CUL9: variants seen among roughly 807,000 people sequenced by gnomAD.
CUL9 encodes the protein cullin 9, also known as cullin-9.
CUL9 carries 79 observed loss-of-function variants against 272.6 expected under a neutral mutation model. That is an observed-to-expected ratio of 0.29 (90% confidence interval 0.24 to 0.35). The LOEUF (loss-of-function observed/expected upper bound fraction) is 0.35. Ranked by LOEUF, CUL9 falls within the 10% of genes least tolerant of loss-of-function variation. The probability of loss-of-function intolerance (pLI) is 1.00; values close to 1 mark genes in which losing one functional copy is unlikely to be tolerated. For missense variants in CUL9, 2,532 were observed against 3,255.6 expected (o/e 0.78, Z 5.41); for synonymous variants, 1,186 against 1,286.5 (o/e 0.92, Z 1.67).
chr6:43,212,595 A>G (rs1189069947), intron 26 of CUL9, among the ~76,000 whole-genome samples: 1 of 152,108 alleles, frequency 6.6e-6, no homozygotes, highest in African/African-American at 2.4e-5. Context: ...TTAAAAATAT[A>G]TCATTATGAA....
Position 43,224,209 on chromosome 6 carries a change from A to G in CUL9, c.7358+41A>G, listed in dbSNP as rs1319785411. 6 of 1,613,970 alleles carry G rather than the reference A, an allele frequency of 3.7e-6. No individual in the cohort carries two copies. In the Admixed American group the frequency reaches 1.0e-4, roughly 27 times the overall value. On this transcript the variant is annotated intron_variant, in intron 40 of 40. Coordinates refer to ENST00000252050, the MANE Select transcript of CUL9 (RefSeq NM_015089.4). This position sits in a 1 kb window ranked among gnomAD's most constrained non-coding sequence, Gnocchi z 4.2. ...AGAGCCATGGAGGAGGCAGTGGGAC[A>G]TGGCAGCCTCCTCTGGGCTGAGTGT...
rs910002719 is a variant in CUL9, at chr6:43,218,711, T to C, written c.6283-1748T>C. Among the ~76,000 whole-genome samples, 14 of 151,856 alleles carry C rather than the reference T, an allele frequency of 9.2e-5. No homozygotes were observed. The highest frequency in any genetic ancestry group is 3.4e-4 in the African/African-American group (14 of 41,302). The stretch of plus-strand genomic sequence containing the variant: ...AGTGGAGCTGACGGGAGTTGGTGGG[T>C]TAAATGTAGGGGCTTCAGACAGGGG... On this transcript the variant is annotated intron_variant, in intron 31 of 40. Coordinates refer to ENST00000252050, the MANE Select transcript of CUL9 (RefSeq NM_015089.4). The surrounding 1 kb of genome is among the most constrained non-coding windows in gnomAD (Gnocchi z 4.4).
intron 9 of CUL9, among the ~76,000 whole-genome samples, chr6:43,193,677 T>C (rs980483455): frequency 6.6e-6 from 1 of 152,120 alleles, no homozygotes; most frequent in African/African-American, 2.4e-5. Context: ...CTCCTGGGAT[T>C]ACAGGCATGA....
chr6:43,206,296 C>A lies in CUL9; in HGVS notation c.5023-25C>A. ...TAGACCAAGGAAGGGAGCCCAAGGG[C>A]CCTTGAAATCCTTCTGTCCCTCAGG... On this transcript the variant is annotated intron_variant, in intron 25 of 40. Transcript: ENST00000252050. This position sits in a 1 kb window ranked among gnomAD's most constrained non-coding sequence, Gnocchi z 4.8. 5.0e-6 allele frequency: 8 copies of A among 1,612,990 alleles called. No individual in the cohort carries two copies. The highest frequency in any genetic ancestry group is 6.8e-6 in the Non-Finnish European group (8 of 1,179,268).
rs1157489378 is a variant in CUL9 at position 43,200,489 on chromosome 6, C to T, written c.3438C>T (p.Ile1146=). The change falls in exon 15 of 41, where the codon ATC becomes ATT. Residue 1146 remains isoleucine, a synonymous_variant. Coordinates refer to ENST00000252050, the MANE Select transcript of CUL9 (RefSeq NM_015089.4). This position sits in a 1 kb window ranked among gnomAD's most constrained non-coding sequence, Gnocchi z 4.0. ...DHRRTHQPIN[I]PFFDVFLRHL... is the part of the protein sequence containing the mutation. ...GACGAACCCACCAACCCATCAATATCCCCTTCTTTGATGTGTTCCTCAGGC... is the reference window on the plus strand; with the variant it reads ...GACGAACCCACCAACCCATCAATATTCCCTTCTTTGATGTGTTCCTCAGGC... 6.2e-7 allele frequency: 1 copy of T among 1,614,196 alleles called. No individual in the cohort carries two copies. Among genetic ancestry groups the T allele is most frequent in the Non-Finnish European group, 8.5e-7 (1 of 1,180,044 alleles).
At position 43,223,401 on chromosome 6, in the gene CUL9, C is replaced by G. The variant is rs200509007; in HGVS notation, c.7284+4C>G. 3.8e-6 allele frequency: 6 copies of G among 1,590,246 alleles called. No individual in the cohort carries two copies. Among genetic ancestry groups the G allele is most frequent in the Non-Finnish European group, 5.1e-6 (6 of 1,167,266 alleles). On this transcript the variant is annotated splice_donor_region_variant and intron_variant, in intron 39 of 40. Transcript: ENST00000252050. The surrounding 1 kb of genome is among the most constrained non-coding windows in gnomAD (Gnocchi z 4.1). ...CATCCTGCAGCATTCTGCCCAGGTA[C>G]TGCCCGGCCCAGACCCCTTCTGCTC...
At chr6:43,186,525 A>G (rs1044788161) in intron 4 of CUL9, 70 bp downstream of exon 4, 1 of 1,526,460 alleles carries the variant, frequency 6.6e-7, no homozygotes, top group Non-Finnish European at 8.8e-7. Context: ...GGACTTCATA[A>G]GGAGGACTCC....
At position 43,216,390 on chromosome 6, in the gene CUL9, G is replaced by C. The variant is rs756691631; in HGVS notation, c.6169G>C (p.Val2057Leu). The C allele has an allele frequency of 6.2e-7, 1 of 1,613,988 alleles. No homozygotes were observed. Among genetic ancestry groups the C allele is most frequent in the East Asian group, 2.2e-5 (1 of 44,902 alleles). Residue 2057 changes from valine to leucine, a missense_variant, in exon 31 of 41, where the codon GTA becomes CTA. Transcript: ENST00000252050. ...EPLLLAAGLC[V>L]HQAQAVPVRP... ...ACTGCTGCTGGCAGCTGGGCTGTGCGTACACCAGGCTCAGGCTGTACCCGT... is the reference window on the plus strand; with the variant it reads ...ACTGCTGCTGGCAGCTGGGCTGTGCCTACACCAGGCTCAGGCTGTACCCGT...
rs1562031314 is a variant in CUL9 at position 43,198,753 on chromosome 6, CCCT to C, written c.2953_2955del (p.Leu985del). 1.2e-6 allele frequency: 2 copies of C among 1,614,114 alleles called. No individual in the cohort carries two copies. The highest frequency in any genetic ancestry group is 1.1e-5 in the South Asian group (1 of 91,076). On this transcript the variant is annotated inframe_deletion, in exon 12 of 41. Coordinates refer to ENST00000252050, the MANE Select transcript of CUL9 (RefSeq NM_015089.4). The stretch of plus-strand genomic sequence containing the variant: ...GGCAGCCCCGGAGGTGCCGTGAGGC[CCCT>C]CCTCAAGCGCCTCCAGCAGGAGACC...
chr6:43,216,477 C>T lies in CUL9; in HGVS notation c.6256C>T (p.Leu2086Phe). The change falls in exon 31 of 41, where the codon CTC (leucine) becomes TTC (phenylalanine). Residue 2086 changes from leucine to phenylalanine, a missense_variant. By Grantham distance (22) the Leu-to-Phe change is conservative (BLOSUM62 0). Coordinates refer to ENST00000252050, the MANE Select transcript of CUL9 (RefSeq NM_015089.4). The stretch of plus-strand genomic sequence containing the variant: ...GGGGTGTGACGACGACCTGCCCTCT[C>T]TCTGCTGCATGCACTATTGCTGTAA... ...PLGCDDDLPS[L>F]CCMHYCCKSC... 6.2e-7 allele frequency: 1 copy of T among 1,600,620 alleles called. No homozygotes were observed.
chr6:43,206,438 T>C lies in CUL9; in HGVS notation c.5140T>C (p.Tyr1714His), dbSNP rs1322358901. The C allele has an allele frequency of 6.2e-7, 1 of 1,614,184 alleles. No individual in the cohort carries two copies. The part of the protein sequence containing the change: ...CWPVSPLCYL[Y>H]HPRKCLPTEF... The stretch of plus-strand genomic sequence containing the variant: ...GCCCGTCTCCCCACTCTGCTACCTG[T>C]ACCATCCCAGAAAGTGCCTTCCCAC... The change falls in exon 26 of 41, where the codon TAC (tyrosine) becomes CAC (histidine). Residue 1714 changes from tyrosine to histidine, a missense_variant. Coordinates refer to ENST00000252050, the MANE Select transcript of CUL9 (RefSeq NM_015089.4). This position sits in a 1 kb window ranked among gnomAD's most constrained non-coding sequence, Gnocchi z 4.8.
intron 8 of CUL9, among the ~76,000 whole-genome samples, chr6:43,191,429 C>G (rs1478043248): frequency 6.7e-6 from 1 of 148,812 alleles, no homozygotes; most frequent in Non-Finnish European, 1.5e-5. Context: ...ACCCTTCTTG[C>G]TTATCCTCCC....
At chr6:43,197,274 T>G (rs1475245785) in intron 11 of CUL9, among the ~76,000 whole-genome samples, 1 of 151,968 alleles carries the variant, frequency 6.6e-6, no homozygotes, top group Non-Finnish European at 1.5e-5. Flanking sequence ...CTGGAACTCC[T>G]GACCTCAGGA....
In CUL9 at chr6:43,220,044, C is replaced by T. The variant is rs1776222873; in HGVS notation, c.6283-415C>T. On this transcript the variant is annotated intron_variant, in intron 31 of 40. Coordinates refer to ENST00000252050, the MANE Select transcript of CUL9 (RefSeq NM_015089.4). The surrounding 1 kb of genome is among the most constrained non-coding windows in gnomAD (Gnocchi z 4.9). ...CATCCGGACGGTCATTGGAGATAAG[C>T]CACTGGAGCTGGGAGGAGAGACCAG... Among the ~76,000 whole-genome samples, 1 of 152,136 alleles carries T rather than the reference C, an allele frequency of 6.6e-6. No individual in the cohort carries two copies. Among genetic ancestry groups the T allele is most frequent in the Non-Finnish European group, 1.5e-5 (1 of 68,016 alleles).
At chr6:43,212,836 T>C (rs1295206556) in intron 26 of CUL9, 3 of 278,392 alleles carry the variant, frequency 1.1e-5, no homozygotes, top group South Asian at 5.5e-5. Context: ...TCCAGCCCAG[T>C]GGGTCTTTAA....
rs1562068123 is a variant in CUL9, at chr6:43,224,089, C to T, written c.7285-6C>T. ...TCCTTCTCAAATCCTTCTGTCTGCT[C>T]ACCAGGATTTCCGGGTTGGTCTTCA... On this transcript the variant is annotated splice_polypyrimidine_tract_variant and splice_region_variant and intron_variant, in intron 39 of 40. Coordinates refer to ENST00000252050, the MANE Select transcript of CUL9 (RefSeq NM_015089.4). This position sits in a 1 kb window ranked among gnomAD's most constrained non-coding sequence, Gnocchi z 4.2. The T allele has an allele frequency of 6.2e-7, 1 of 1,614,088 alleles. No homozygotes were observed. Among genetic ancestry groups the T allele is most frequent in the Non-Finnish European group, 8.5e-7 (1 of 1,179,946 alleles).
At chr6:43,198,476 G>T in intron 11 of CUL9, 133 bp from the exon 12 acceptor site, 1 of 1,501,782 alleles carries the variant, frequency 6.7e-7, no homozygotes, top group Non-Finnish European at 8.8e-7. Context: ...CTCATAGTTT[G>T]GTTAAAAACT....
Position 43,200,454 on chromosome 6 carries a change from G to A in CUL9, c.3403G>A (p.Glu1135Lys), listed in dbSNP as rs144099699. Residue 1135 changes from glutamate to lysine, a missense_variant, in exon 15 of 41, where the codon GAA becomes AAA. Physicochemically the swap from Glu to Lys is moderately conservative, Grantham distance 56. Around this residue, in one of 3 missense-constraint regions of CUL9, gnomAD observed 2,218 missense variants for 2,788.6 expected, o/e 0.80. Coordinates refer to ENST00000252050, the MANE Select transcript of CUL9 (RefSeq NM_015089.4). The surrounding 1 kb of genome is among the most constrained non-coding windows in gnomAD (Gnocchi z 4.0). Reference sequence around the variant, plus strand: ...GCTGCAGATGGTGCTGGGCCAGATCGAAGACCACAGACGAACCCACCAACC... The same window carrying A: ...GCTGCAGATGGTGCTGGGCCAGATCAAAGACCACAGACGAACCCACCAACC... ...GCIQMVLGQI[E>K]DHRRTHQPIN... 5.0e-6 allele frequency: 8 copies of A among 1,613,954 alleles called. No homozygotes were observed. The highest frequency in any genetic ancestry group is 1.3e-5 in the African/African-American group (1 of 74,876).
Position 43,213,659 on chromosome 6 carries a change from C to G in CUL9, c.5489-54C>G, listed in dbSNP as rs144433921. The G allele has an allele frequency of 7.5e-6, 12 of 1,606,350 alleles. No individual in the cohort carries two copies. In the African/African-American group the frequency reaches 8.0e-5, roughly 11 times the overall value. ...CTGTGAGAATGGGGTCATCTTAGTC[C>G]CCATTCATCTGTCCCTCTGCCTCCT... On this transcript the variant is annotated intron_variant, in intron 28 of 40. Transcript: ENST00000252050. This position sits in a 1 kb window ranked among gnomAD's most constrained non-coding sequence, Gnocchi z 5.7.
Sources: gnomAD v4.1 joint callset for allele counts (sites outside exome capture counted in the v4.1 genomes callset) on GRCh38, gnomAD v4.1.1 for gene constraint, gnomAD v4.1.1 regional missense constraint, Gnocchi (gnomAD v3.1) non-coding constraint, MANE v1.5 for transcripts, NCBI Gene and HGNC (gene_info 2026-07-23, HGNC 2026-07-21) for gene names.